AGPAT3: variants seen among roughly 807,000 people sequenced by gnomAD.
The protein encoded by AGPAT3 is 1-acyl-sn-glycerol-3-phosphate acyltransferase gamma.
A neutral mutation model predicts 47.3 loss-of-function variants in AGPAT3; 5 were observed. That is an observed-to-expected ratio of 0.11 (90% confidence interval 0.06 to 0.22). The LOEUF is 0.22. Ranked by LOEUF, AGPAT3 falls within the 10% of genes least tolerant of loss-of-function variation. The probability of loss-of-function intolerance (pLI) is 1.00; values close to 1 mark genes in which losing one functional copy is unlikely to be tolerated. For synonymous variants in AGPAT3, 212 were observed against 208.3 expected (o/e 1.02, Z -0.15); for missense variants, 315 against 493.0 (o/e 0.64, Z 3.42).
At position 43,984,098 on chromosome 21, in the gene AGPAT3, A is replaced by C. The variant is rs889992654; in HGVS notation, c.*1706A>C. The C allele has an allele frequency of 2.6e-5, 4 of 152,264 alleles. No individual in the cohort carries two copies. Among genetic ancestry groups the C allele is most frequent in the Admixed American group, 2.6e-4 (4 of 15,294 alleles). 9.4% of individuals were successfully genotyped at this position (152,264 alleles called of 1,614,324 possible). On this transcript the variant is annotated 3_prime_UTR_variant, in exon 10 of 10. Coordinates refer to ENST00000291572, the MANE Select transcript of AGPAT3 (RefSeq NM_020132.5). ...ACCTGCTCAGAGCACGGCTCCTCGC[A>C]GGGGTGAAGGGGCAGACCAACGAAA...
chr21:43,914,551 TTG>T (rs1166884783), intron 2 of AGPAT3, among the ~76,000 whole-genome samples: 1 of 152,072 alleles, frequency 6.6e-6, no homozygotes, highest in Non-Finnish European at 1.5e-5. Context: ...TTGTTTTGTT[TTG>T]TTTTGTTTTG....
intron 1 of AGPAT3, among the ~76,000 whole-genome samples, chr21:43,874,296 G>T (rs1318287590): frequency 6.6e-6 from 1 of 152,224 alleles, no homozygotes; most frequent in East Asian, 1.9e-4. Context: ...CGAGTGCTGG[G>T]ATTACAGGCA....
intron 1 of AGPAT3, among the ~76,000 whole-genome samples, chr21:43,885,281 C>T (rs780935093): frequency 5.9e-5 from 9 of 152,240 alleles, no homozygotes; most frequent in Non-Finnish European, 1.2e-4. Flanking sequence ...GATGCAGACG[C>T]GGAGACTCAC....
In AGPAT3 at chr21:43,982,535, G is replaced by A; in HGVS notation, c.*143G>A. The stretch of plus-strand genomic sequence containing the variant: ...AATATTAACAAAACTTGAGCCAAGA[G>A]TAAAGAATTCAGAAGGCCTGTCAGG... On this transcript the variant is annotated 3_prime_UTR_variant, in exon 10 of 10. Transcript: ENST00000291572. The surrounding 1 kb of genome is among the most constrained non-coding windows in gnomAD (Gnocchi z 6.2). The A allele has an allele frequency of 3.3e-6, 2 of 608,590 alleles. No individual in the cohort carries two copies. Among genetic ancestry groups the A allele is most frequent in the South Asian group, 3.9e-5 (2 of 50,852 alleles). 37.7% of individuals were successfully genotyped at this position (608,590 alleles called of 1,614,324 possible).
chr21:43,944,677 C>T (rs1246169396), intron 2 of AGPAT3, among the ~76,000 whole-genome samples: 1 of 152,224 alleles, frequency 6.6e-6, no homozygotes, highest in Non-Finnish European at 1.5e-5. Context: ...GGCCTCTGTG[C>T]AGTGGGATTA....
chr21:43,940,213 C>T (rs1232336503), intron 2 of AGPAT3, among the ~76,000 whole-genome samples: 1 of 152,264 alleles, frequency 6.6e-6, no homozygotes, highest in African/African-American at 2.4e-5. Context: ...AGGTCCTTCT[C>T]GCCGGCTTCA....
chr21:43,976,319 C>T (rs897945470), intron 7 of AGPAT3, among the ~76,000 whole-genome samples: 2 of 151,750 alleles, frequency 1.3e-5, no homozygotes, highest in African/African-American at 2.4e-5. Context: ...CCTGCCTTGG[C>T]CTCTCGAGTA....
intron 1 of AGPAT3, among the ~76,000 whole-genome samples, chr21:43,885,020 A>C (rs764292726): frequency 9.2e-5 from 14 of 152,266 alleles, no homozygotes; most frequent in Non-Finnish European, 1.8e-4. Context: ...CTTTAAGGGA[A>C]GAGCTGGTTT....
At chr21:43,937,228 T>C (rs968699188) in intron 2 of AGPAT3, among the ~76,000 whole-genome samples, 1 of 152,184 alleles carries the variant, frequency 6.6e-6, no homozygotes, top group Non-Finnish European at 1.5e-5. Context: ...TTTTGGGAAA[T>C]GCAAAGCATG....
chr21:43,914,200 G>A (rs201312228), intron 2 of AGPAT3, among the ~76,000 whole-genome samples: 1 of 152,140 alleles, frequency 6.6e-6, no homozygotes. Flanking sequence ...CCCTGCCTGC[G>A]AGGCCTGGGG....
chr21:43,932,273 C>T lies in AGPAT3; in HGVS notation c.-48-27361C>T, dbSNP rs186672886. ...CCTCCCCTGCCCGTCCTTGCCCAAG[C>T]CCCCAGCCCCTGGTAACCACCGTGC... On this transcript the variant is annotated intron_variant, in intron 2 of 9. Transcript: ENST00000291572. The surrounding 1 kb of genome is among the most constrained non-coding windows in gnomAD (Gnocchi z 5.2). Among the ~76,000 whole-genome samples the T allele has an allele frequency of 1.3e-5, 2 of 152,262 alleles. No individual in the cohort carries two copies. Among genetic ancestry groups the T allele is most frequent in the East Asian group, 3.9e-4 (2 of 5,184 alleles).
intron 1 of AGPAT3, among the ~76,000 whole-genome samples, chr21:43,895,281 A>C (rs2086190105): frequency 6.6e-6 from 1 of 150,486 alleles, no homozygotes; most frequent in Non-Finnish European, 1.5e-5. Flanking sequence ...ATTTTTTTGT[A>C]TTTTTTTATT....
At chr21:43,896,943 G>GTTTTTTT (rs61657564) in intron 1 of AGPAT3, among the ~76,000 whole-genome samples, 1 of 42,320 alleles carries the variant, frequency 2.4e-5, no homozygotes. Context: ...TTGACAGTCC[G>GTTTTTTT]TTTTTTTTTT....
chr21:43,978,934 G>A (rs2089728219), intron 8 of AGPAT3, among the ~76,000 whole-genome samples: 1 of 152,182 alleles, frequency 6.6e-6, no homozygotes, highest in African/African-American at 2.4e-5. Flanking sequence ...TGTGGGAGAG[G>A]AGATAACCAG....
chr21:43,904,830 G>A (rs1298639371), intron 2 of AGPAT3, among the ~76,000 whole-genome samples: 1 of 152,162 alleles, frequency 6.6e-6, no homozygotes, highest in Non-Finnish European at 1.5e-5. Context: ...TACCCAGGAG[G>A]TGTCTCCTCC....
chr21:43,977,368 A>T (rs2089655366), intron 7 of AGPAT3, among the ~76,000 whole-genome samples: 1 of 152,250 alleles, frequency 6.6e-6, no homozygotes, highest in Non-Finnish European at 1.5e-5. Context: ...ATATTAAGAA[A>T]GACCAGAACT....
At chr21:43,894,585 C>T (rs1409754730) in intron 1 of AGPAT3, among the ~76,000 whole-genome samples, 1 of 152,152 alleles carries the variant, frequency 6.6e-6, no homozygotes, top group Non-Finnish European at 1.5e-5. Flanking sequence ...AAATTCTTCT[C>T]TGCTATCTAT....
At position 43,941,771 on chromosome 21, in the gene AGPAT3, A is replaced by G. The variant is rs372538858; in HGVS notation, c.-48-17863A>G. ...CGGGCGACTCTGGCAGCTTCCACGG[A>G]CCGTTCCTGGCGCCTGGGCGGAGAA... On this transcript the variant is annotated intron_variant, in intron 2 of 9. Transcript: ENST00000291572. Among the ~76,000 whole-genome samples the G allele has an allele frequency of 3.3e-5, 5 of 152,240 alleles. No individual in the cohort carries two copies. In the East Asian group the frequency reaches 5.8e-4, roughly 18 times the overall value.
chr21:43,898,367 G>A (rs1601247665), intron 1 of AGPAT3, among the ~76,000 whole-genome samples: 1 of 152,062 alleles, frequency 6.6e-6, no homozygotes, highest in African/African-American at 2.4e-5. Flanking sequence ...CAGTTTGGAT[G>A]TTACAGACTC....
Sources: allele counts gnomAD v4.1 joint callset (sites outside exome capture counted in the v4.1 genomes callset), GRCh38; gene constraint gnomAD v4.1.1; non-coding constraint Gnocchi (gnomAD v3.1); transcripts MANE v1.5; gene names NCBI Gene and HGNC (gene_info 2026-07-23, HGNC 2026-07-21).